SH3RF3: variants seen among roughly 807,000 people sequenced by gnomAD.
SH3RF3 encodes the protein SH3 domain containing ring finger 3.
SH3RF3 carries 29 observed loss-of-function variants against 66.3 expected under a neutral mutation model. The ratio of observed to expected loss-of-function variants is 0.44; its 90% CI spans 0.33 to 0.60. SH3RF3 has a LOEUF of 0.60. Among genes scored for constraint, SH3RF3 ranks in the 20% least tolerant of loss-of-function variants. The pLI is 0.04. For synonymous variants in SH3RF3, 583 were observed against 532.0 expected, an observed-to-expected ratio of 1.10 and a Z score of -1.32; for missense variants, 1,194 against 1,190.9, an observed-to-expected ratio of 1.00 and a Z score of -0.04.
intron 1 of SH3RF3, among the ~76,000 whole-genome samples, chr2:109,315,939 A>G (rs1302872764): frequency 1.3e-5 from 2 of 152,178 alleles, no homozygotes; most frequent in Non-Finnish European, 2.9e-5. Flanking sequence ...TTTGGAGAAT[A>G]TGGAGCCTTT....
intron 3 of SH3RF3, among the ~76,000 whole-genome samples, chr2:109,377,435 A>G (rs1295506311): frequency 6.6e-6 from 1 of 152,140 alleles, no homozygotes; most frequent in Non-Finnish European, 1.5e-5. Context: ...TAACCCTAGG[A>G]TCCGGGGAAG....
At chr2:109,438,727 C>T (rs989662344) in intron 7 of SH3RF3, among the ~76,000 whole-genome samples, 2 of 152,130 alleles carry the variant, frequency 1.3e-5, no homozygotes, top group Non-Finnish European at 2.9e-5. Flanking sequence ...TTTCTGGTAG[C>T]CTCTAGCTGG....
rs1040001969 is a variant in SH3RF3, at chr2:109,264,972, A to G, written c.574-82702A>G. Among the ~76,000 whole-genome samples the G allele has an allele frequency of 6.6e-5, 10 of 152,312 alleles. No individual in the cohort carries two copies. In the East Asian group the frequency reaches 1.5e-3, roughly 24 times the overall value. ...GTGGGTGGCAGGGGGACTAGGGAAC[A>G]TGCATCAGAGATAGCCGCATGCTCT... On this transcript the variant is annotated intron_variant, in intron 1 of 9. Transcript: ENST00000309415.
chr2:109,429,499 C>T (rs1416004500), intron 5 of SH3RF3, among the ~76,000 whole-genome samples: 3 of 152,136 alleles, frequency 2.0e-5, no homozygotes, highest in East Asian at 1.9e-4. Flanking sequence ...CCCTGGTGCA[C>T]GTCAGGGCAG....
At chr2:109,315,725 C>T (rs985885511) in intron 1 of SH3RF3, among the ~76,000 whole-genome samples, 1 of 152,218 alleles carries the variant, frequency 6.6e-6, no homozygotes, top group African/African-American at 2.4e-5. Context: ...CTCTGGGGCT[C>T]TTTCATCTCA....
At position 109,347,675 on chromosome 2, in the gene SH3RF3, A is replaced by G; in HGVS notation, c.575A>G (p.Asn192Ser). Residue 192 changes from asparagine (N) to serine (S), a missense_variant and splice_region_variant, in exon 2 of 10, where the codon AAT becomes AGT. Transcript: ENST00000309415. Reference sequence around the variant, plus strand: ...CCACATGCTGTCTGTTGCTTGCAGAATCCCTGCCTGCTTCCCTATGGCAAG... The same window carrying G: ...CCACATGCTGTCTGTTGCTTGCAGAGTCCCTGCCTGCTTCCCTATGGCAAG... ...ATSRTAPAAKNPCLLPYGKAL... is the reference protein window; with the variant it reads ...ATSRTAPAAKSPCLLPYGKAL... The G allele has an allele frequency of 6.2e-7, 1 of 1,613,104 alleles. No homozygotes were observed. Among genetic ancestry groups the G allele is most frequent in the East Asian group, 2.2e-5 (1 of 44,820 alleles).
At chr2:109,476,557 T>G (rs568348825) in intron 8 of SH3RF3, among the ~76,000 whole-genome samples, 29 of 152,218 alleles carry the variant, frequency 1.9e-4, no homozygotes, top group Non-Finnish European at 4.3e-4. Flanking sequence ...GATACTGGAC[T>G]TTCCTCTAAA....
intron 1 of SH3RF3, among the ~76,000 whole-genome samples, chr2:109,340,767 A>G (rs1373556021): frequency 3.3e-5 from 5 of 152,190 alleles, no homozygotes; most frequent in Non-Finnish European, 7.4e-5. Context: ...AGATTTGATT[A>G]TCTCTGCTTT....
chr2:109,303,818 CAAG>C (rs972422026), intron 1 of SH3RF3, among the ~76,000 whole-genome samples: 1 of 152,204 alleles, frequency 6.6e-6, no homozygotes, highest in African/African-American at 2.4e-5. Flanking sequence ...TCACCACCAT[CAAG>C]ACCGTGAACA....
chr2:109,244,285 C>T (rs1679858629), intron 1 of SH3RF3, among the ~76,000 whole-genome samples: 1 of 152,168 alleles, frequency 6.6e-6, no homozygotes, highest in African/African-American at 2.4e-5. Flanking sequence ...CATTATGCAA[C>T]AGCTTCTTCA....
chr2:109,203,822 G>GT (rs1678742762), intron 1 of SH3RF3, among the ~76,000 whole-genome samples: 3 of 111,908 alleles, frequency 2.7e-5, no homozygotes, highest in Admixed American at 1.8e-4. Flanking sequence ...CGACTCTGAA[G>GT]CGTTTGCTCT....
At chr2:109,213,171 C>T (rs1679031967) in intron 1 of SH3RF3, among the ~76,000 whole-genome samples, 4 of 152,140 alleles carry the variant, frequency 2.6e-5, no homozygotes, top group Non-Finnish European at 5.9e-5. Context: ...ACCACATGGG[C>T]GCGGTTGCTT....
chr2:109,347,447 T>C (rs1277878704), intron 1 of SH3RF3, among the ~76,000 whole-genome samples: 3 of 152,062 alleles, frequency 2.0e-5, no homozygotes, highest in South Asian at 4.2e-4. Context: ...GTGTCCTTTT[T>C]AGGAGGAATG....
chr2:109,350,225 G>T (rs942056872), intron 2 of SH3RF3, among the ~76,000 whole-genome samples: 3 of 152,200 alleles, frequency 2.0e-5, no homozygotes, highest in Non-Finnish European at 4.4e-5. Flanking sequence ...TCCCAAGTGG[G>T]CAATGTCACC....
At chr2:109,476,221 C>T (rs1175922013) in intron 8 of SH3RF3, among the ~76,000 whole-genome samples, 2 of 152,222 alleles carry the variant, frequency 1.3e-5, no homozygotes, top group Non-Finnish European at 2.9e-5. Context: ...GCCCTGCCCC[C>T]ACCAGGCCTG....
chr2:109,155,770 A>G (rs1350404098), intron 1 of SH3RF3, among the ~76,000 whole-genome samples: 1 of 152,254 alleles, frequency 6.6e-6, no homozygotes, highest in East Asian at 1.9e-4. Context: ...AATGTTGATC[A>G]TAGCACACGT....
chr2:109,258,165 A>G (rs868626431), intron 1 of SH3RF3, among the ~76,000 whole-genome samples: 14 of 152,306 alleles, frequency 9.2e-5, no homozygotes, highest in African/African-American at 2.9e-4. Flanking sequence ...TACCCCATCA[A>G]CGAGGCTTAC....
intron 1 of SH3RF3, among the ~76,000 whole-genome samples, chr2:109,280,008 C>T (rs1680845930): frequency 6.6e-6 from 1 of 152,108 alleles, no homozygotes. Flanking sequence ...CTGTGCTGCC[C>T]CAGGGTGGGA....
intron 6 of SH3RF3, among the ~76,000 whole-genome samples, chr2:109,436,583 C>T (rs1677405325): frequency 6.6e-6 from 1 of 152,248 alleles, no homozygotes; most frequent in South Asian, 2.1e-4. Context: ...TCTGGAGACA[C>T]ACAGCTGTTT....
Sources: allele counts gnomAD v4.1 joint callset (sites outside exome capture counted in the v4.1 genomes callset), GRCh38; gene constraint gnomAD v4.1.1; transcripts MANE v1.5; gene names NCBI Gene and HGNC (gene_info 2026-07-23, HGNC 2026-07-21).